The following EPC1 variants were observed in gnomAD, a reference collection of about 807,000 sequenced individuals.
EPC1 encodes the protein enhancer of polycomb 1, also known as enhancer of polycomb homolog 1.
Under a neutral mutation model 98.4 loss-of-function variants are expected in EPC1, and 12 were observed. The observed-to-expected ratio is 0.12, with a 90% CI of 0.08 to 0.20. The LOEUF (loss-of-function observed/expected upper bound fraction) is 0.20, where lower values mean the gene tolerates loss of function less well. Among genes scored for constraint, EPC1 ranks in the 10% least tolerant of loss-of-function variants. The probability of loss-of-function intolerance (pLI) is 1.00; values close to 1 mark genes in which losing one functional copy is unlikely to be tolerated. For missense variants in EPC1, 729 were observed against 990.5 expected, an observed-to-expected ratio of 0.74 and a Z score of 3.54; for synonymous variants, 357 against 363.9, an observed-to-expected ratio of 0.98 and a Z score of 0.21.
chr10:32,338,959 A>T (rs2133017786), intron 1 of EPC1, among the ~76,000 whole-genome samples: 1 of 151,026 alleles, frequency 6.6e-6, no homozygotes, highest in African/African-American at 2.4e-5. Context: ...ATAAATAAAT[A>T]AATAAAATAA....
At chr10:32,361,272 T>C (rs904341119) in intron 1 of EPC1, among the ~76,000 whole-genome samples, 4 of 152,188 alleles carry the variant, frequency 2.6e-5, no homozygotes, top group Non-Finnish European at 4.4e-5. Context: ...GATTTATAAC[T>C]TCTATGAGCG....
At chr10:32,285,408 T>C (rs1047959439) in intron 9 of EPC1, 1 of 203,930 alleles carries the variant, frequency 4.9e-6, no homozygotes, top group African/African-American at 2.4e-5. Flanking sequence ...TAGTATACCA[T>C]TAACATTTCT....
chr10:32,337,286 A>C (rs1838035273), intron 1 of EPC1, among the ~76,000 whole-genome samples: 1 of 152,122 alleles, frequency 6.6e-6, no homozygotes, highest in Non-Finnish European at 1.5e-5. Context: ...AGGCCTTTCC[A>C]TTCTGGTTAG....
chr10:32,291,231 G>C lies in EPC1; in HGVS notation c.907C>G (p.Pro303Ala), dbSNP rs755511625. ...TTAAATTGACTGCTATTAGTAATAG[G>C]GATGATGGGGATGGCATAAGTAGGT... ...MKPTYAIPIIPITNSSQFKHQ... is the reference protein window; with the variant it reads ...MKPTYAIPIIAITNSSQFKHQ... The change falls in exon 6 of 14, where the codon CCT becomes GCT. Residue 303 changes from proline (P) to alanine (A), a missense_variant. This residue lies in a region of EPC1 where 390 missense variants were observed against 438.6 expected (regional missense o/e 0.89). Coordinates refer to ENST00000319778, the MANE Select transcript of EPC1 (RefSeq NM_001272004.3). 6.9e-5 allele frequency: 112 copies of C among 1,613,690 alleles called. No homozygotes were observed. The highest frequency in any genetic ancestry group is 1.7e-4 in the Middle Eastern group (1 of 6,054).
intron 1 of EPC1, among the ~76,000 whole-genome samples, chr10:32,318,345 T>G (rs1277827984): frequency 6.6e-6 from 1 of 152,148 alleles, no homozygotes; most frequent in Non-Finnish European, 1.5e-5. Flanking sequence ...AGCAATGAAC[T>G]AATTTAAATC....
chr10:32,315,275 A>G (rs1836487928), intron 1 of EPC1, among the ~76,000 whole-genome samples: 1 of 152,234 alleles, frequency 6.6e-6, no homozygotes, highest in Non-Finnish European at 1.5e-5. Context: ...CAACCTAAAT[A>G]AAACACATGA....
intron 2 of EPC1, among the ~76,000 whole-genome samples, chr10:32,300,342 C>A (rs958223998): frequency 6.6e-6 from 1 of 151,468 alleles, no homozygotes; most frequent in African/African-American, 2.4e-5. Flanking sequence ...TGTGCTGCAC[C>A]CATTAACTCG....
intron 2 of EPC1, among the ~76,000 whole-genome samples, chr10:32,302,701 C>T (rs1835640188): frequency 1.3e-5 from 2 of 149,810 alleles, no homozygotes; most frequent in African/African-American, 4.9e-5. Flanking sequence ...CATGCACGAT[C>T]ATTTCACCAA....
chr10:32,335,583 T>C (rs529137767), intron 1 of EPC1, among the ~76,000 whole-genome samples: 89 of 152,210 alleles, frequency 5.8e-4, no homozygotes, highest in African/African-American at 2.1e-3. Context: ...TTCTTCTTTG[T>C]TGTCCCTTCA....
chr10:32,343,710 G>C (rs1269055670), intron 1 of EPC1, among the ~76,000 whole-genome samples: 1 of 147,170 alleles, frequency 6.8e-6, no homozygotes, highest in Non-Finnish European at 1.5e-5. Flanking sequence ...GGGGGTGTAA[G>C]GGCTTCTACT....
chr10:32,346,646 A>T (rs1018462690), intron 1 of EPC1, 117 bp downstream of exon 1: 4 of 1,025,644 alleles, frequency 3.9e-6, no homozygotes, highest in East Asian at 2.5e-5. Context: ...GGCGACTGAG[A>T]GTCGGCGGCG....
intron 1 of EPC1, among the ~76,000 whole-genome samples, chr10:32,343,694 T>TGG (rs5784285): frequency 0.25 from 36,032 of 142,246 alleles, 4,721 homozygotes; most frequent in African/African-American, 0.34. Context: ...CAAATTATTT[T>TGG]GGGGGGGGGG....
At chr10:32,319,998 A>G (rs1564544754) in intron 1 of EPC1, among the ~76,000 whole-genome samples, 1 of 152,170 alleles carries the variant, frequency 6.6e-6, no homozygotes, top group Non-Finnish European at 1.5e-5. Context: ...GAAACTATTT[A>G]GGGGTAAAGT....
chr10:32,268,930 T>C lies in EPC1; in HGVS notation c.*133A>G, dbSNP rs1835704631. 2 of 685,104 alleles carry C rather than the reference T, an allele frequency of 2.9e-6. No homozygotes were observed. Among genetic ancestry groups the C allele is most frequent in the Non-Finnish European group, 2.5e-6 (1 of 398,200 alleles). The allele number at this position is 685,104 out of a possible 1,614,324, so 42.4% of individuals were successfully genotyped here. On this transcript the variant is annotated 3_prime_UTR_variant, in exon 14 of 14. Coordinates refer to ENST00000319778, the MANE Select transcript of EPC1 (RefSeq NM_001272004.3). ...AAAAGAAAAATTGAAGCATGAGAGA[T>C]GAGCATTGCTGTCAAGTCCCCACAG...
intron 1 of EPC1, among the ~76,000 whole-genome samples, chr10:32,309,387 T>C (rs2132839645): frequency 6.6e-6 from 1 of 152,246 alleles, no homozygotes; most frequent in South Asian, 2.1e-4. Flanking sequence ...ACATCACATG[T>C]ACTCCCTAAA....
chr10:32,318,119 G>A (rs1168381051), intron 1 of EPC1, among the ~76,000 whole-genome samples: 9 of 152,084 alleles, frequency 5.9e-5, no homozygotes, highest in Admixed American at 3.3e-4. Flanking sequence ...CAATGTAAGC[G>A]GGAAGGGAAT....
intron 10 of EPC1, chr10:32,282,719 T>C (rs1365949210): frequency 2.0e-5 from 3 of 152,102 alleles, no homozygotes; most frequent in Non-Finnish European, 4.4e-5. Flanking sequence ...ACATTTTTCA[T>C]AAAAAAAGAG....
Position 32,269,098 on chromosome 10 carries a change from T to C in EPC1, c.2407A>G (p.Ile803Val). The C allele has an allele frequency of 1.9e-6, 3 of 1,614,074 alleles. No individual in the cohort carries two copies. Among genetic ancestry groups the C allele is most frequent in the Non-Finnish European group, 2.5e-6 (3 of 1,179,938 alleles). ...TCCATCGCTACTGTGTTGTCTGCTA[T>C]GTTGTTCAGTGCTGGCTTTTCTGAT... ...HESEKPALNN[I>V]ADNTVAMEVT The change falls in exon 14 of 14, where the codon ATA becomes GTA. Residue 803 changes from isoleucine (I) to valine (V), a missense_variant. Ile to Val is a conservative substitution (Grantham distance 29). This residue lies in a region of EPC1 where 156 missense variants were observed against 188.9 expected (regional missense o/e 0.83). Coordinates refer to ENST00000319778, the MANE Select transcript of EPC1 (RefSeq NM_001272004.3).
At chr10:32,358,741 G>T (rs1839356760) in intron 1 of EPC1, among the ~76,000 whole-genome samples, 1 of 151,548 alleles carries the variant, frequency 6.6e-6, no homozygotes, top group African/African-American at 2.4e-5. Context: ...ATAGTGCCAA[G>T]TCTACACAAA....
Sources: allele counts gnomAD v4.1 joint callset (sites outside exome capture counted in the v4.1 genomes callset), GRCh38; gene constraint gnomAD v4.1.1; regional missense constraint gnomAD v4.1.1; transcripts MANE v1.5; gene names NCBI Gene and HGNC (gene_info 2026-07-23, HGNC 2026-07-21).